Variants in DACH2 observed in about 807,000 individuals in gnomAD.
DACH2 encodes the protein dachshund family transcription factor 2.
In DACH2, 17 loss-of-function variants were observed where a neutral mutation model predicts 35.8. The observed-to-expected ratio is 0.48, with a 90% CI of 0.33 to 0.71. DACH2 has a LOEUF of 0.71. Among genes scored for constraint, DACH2 ranks in the 30% least tolerant of loss-of-function variants. The pLI is 0.02. For synonymous variants in DACH2, 195 were observed against 177.3 expected (o/e 1.10, Z -0.79); for missense variants, 469 against 472.7 (o/e 0.99, Z 0.07).
chrX:86,577,367 T>A (rs2039447898), intron 3 of DACH2, among the ~76,000 whole-genome samples: 1 of 109,070 alleles, frequency 9.2e-6, no homozygotes, highest in Non-Finnish European at 1.9e-5. Context: ...TCTCTATTAT[T>A]TAGAATCTTA....
intron 1 of DACH2, among the ~76,000 whole-genome samples, chrX:86,365,223 C>G (rs2035790178): frequency 9.1e-6 from 1 of 110,222 alleles, no homozygotes; most frequent in African/African-American, 3.3e-5. Context: ...TTTGCTAAAA[C>G]ATTAAAGTTG....
intron 7 of DACH2, among the ~76,000 whole-genome samples, chrX:86,799,464 T>C: frequency 9.0e-6 from 1 of 111,683 alleles, no homozygotes; most frequent in Admixed American, 9.5e-5. Flanking sequence ...GGCAGGTGAT[T>C]TCTGCATTTC....
In DACH2 at chrX:86,295,028, C is replaced by T. The variant is rs1362965740; in HGVS notation, c.489-81796C>T. Among the ~76,000 whole-genome samples, 9 of 112,791 alleles carry T rather than the reference C, an allele frequency of 8.0e-5. No homozygotes were observed. In the South Asian group the frequency reaches 2.2e-3, roughly 27 times the overall value. The stretch of plus-strand genomic sequence containing the variant: ...GGCGCCCCTCCTCCAGCCTCACTGC[C>T]GCCTTGCAGTTTGATCTTAGACTGC... On this transcript the variant is annotated intron_variant, in intron 1 of 11. Transcript: ENST00000373125.
chrX:86,395,149 C>T (rs1398196537), intron 2 of DACH2, among the ~76,000 whole-genome samples: 1 of 110,929 alleles, frequency 9.0e-6, no homozygotes, highest in Non-Finnish European at 1.9e-5. Context: ...CATGAACATC[C>T]TCTCTGATTT....
At chrX:86,254,797 T>A (rs865838566) in intron 1 of DACH2, among the ~76,000 whole-genome samples, 2 of 68,268 alleles carry the variant, frequency 2.9e-5, no homozygotes, top group African/African-American at 1.4e-4. Flanking sequence ...TATATATATA[T>A]ATATATATAT....
At chrX:86,646,174 G>A (rs970503141) in intron 3 of DACH2, among the ~76,000 whole-genome samples, 21 of 111,519 alleles carry the variant, frequency 1.9e-4, no homozygotes, top group Non-Finnish European at 1.1e-4. Flanking sequence ...ATTACTTTAA[G>A]TGCAACAAGT....
At chrX:86,615,773 T>C (rs781167809) in intron 3 of DACH2, among the ~76,000 whole-genome samples, 2 of 111,215 alleles carry the variant, frequency 1.8e-5, no homozygotes, top group East Asian at 5.6e-4. Flanking sequence ...TGATTTATTT[T>C]ATTTTATTTT....
intron 7 of DACH2, among the ~76,000 whole-genome samples, chrX:86,742,935 T>C (rs2041672060): frequency 9.0e-6 from 1 of 111,295 alleles, no homozygotes; most frequent in Non-Finnish European, 1.9e-5. Flanking sequence ...GCCTGAAATT[T>C]TTCTGTGCAT....
chrX:86,587,819 T>C (rs1197297315), intron 3 of DACH2, among the ~76,000 whole-genome samples: 1 of 111,972 alleles, frequency 8.9e-6, no homozygotes, highest in Admixed American at 9.5e-5. Context: ...ATTCTGTGCA[T>C]TGGCTGTTTA....
intron 5 of DACH2, among the ~76,000 whole-genome samples, chrX:86,702,521 A>G (rs553458673): frequency 8.9e-6 from 1 of 111,839 alleles, no homozygotes; most frequent in African/African-American, 3.2e-5. Flanking sequence ...AATCTATAGA[A>G]CATTAGGTAG....
At chrX:86,622,161 A>C (rs1402654317) in intron 3 of DACH2, among the ~76,000 whole-genome samples, 2 of 112,129 alleles carry the variant, frequency 1.8e-5, no homozygotes, top group African/African-American at 3.2e-5. Flanking sequence ...ACCTCAAGAA[A>C]AAAAAGACAA....
chrX:86,220,196 C>T (rs190902043), intron 1 of DACH2, among the ~76,000 whole-genome samples: 5,949 of 102,625 alleles, frequency 0.058, 706 homozygotes, highest in African/African-American at 0.22. Flanking sequence ...AAAAAATTTC[C>T]CTCCCCTTTG....
chrX:86,597,555 T>C (rs1252257798), intron 3 of DACH2, among the ~76,000 whole-genome samples: 1 of 111,785 alleles, frequency 8.9e-6, no homozygotes, highest in East Asian at 2.8e-4. Flanking sequence ...TTTAAATTTA[T>C]TGAGATTTGT....
chrX:86,466,601 C>A (rs1488622449), intron 2 of DACH2, among the ~76,000 whole-genome samples: 1 of 111,862 alleles, frequency 8.9e-6, no homozygotes, highest in Non-Finnish European at 1.9e-5. Context: ...GTCCCTTCCA[C>A]CTATGAGCCT....
chrX:86,643,081 G>A (rs1280057450), intron 3 of DACH2, among the ~76,000 whole-genome samples: 2 of 106,826 alleles, frequency 1.9e-5, no homozygotes, highest in Non-Finnish European at 3.8e-5. Context: ...CCCAAAACTA[G>A]CAAAAGATGA....
intron 3 of DACH2, among the ~76,000 whole-genome samples, chrX:86,634,621 T>C (rs958132689): frequency 9.0e-6 from 1 of 111,346 alleles, no homozygotes; most frequent in Non-Finnish European, 1.9e-5. Context: ...AAAATCAAGG[T>C]ATGAAAATCA....
intron 2 of DACH2, among the ~76,000 whole-genome samples, chrX:86,400,497 C>T (rs2036404143): frequency 9.0e-6 from 1 of 111,250 alleles, no homozygotes; most frequent in African/African-American, 3.3e-5. Flanking sequence ...GTTTTTTCCC[C>T]ATCTTTGTGG....
intron 7 of DACH2, among the ~76,000 whole-genome samples, chrX:86,796,311 G>A (rs2369458): frequency 0.23 from 25,097 of 110,532 alleles, 2,550 homozygotes; most frequent in South Asian, 0.41. Context: ...TGATTGGTGC[G>A]TTTACAAACC....
chrX:86,694,870 G>T (rs1184923044), intron 4 of DACH2, 151 bp from the exon 5 acceptor site: 1 of 422,203 alleles, frequency 2.4e-6, no homozygotes, highest in East Asian at 4.6e-5. Flanking sequence ...ACTATTGAAA[G>T]TTTTTGAAAC....
Sources: gnomAD v4.1 joint callset for allele counts (sites outside exome capture counted in the v4.1 genomes callset) on GRCh38, gnomAD v4.1.1 for gene constraint, MANE v1.5 for transcripts, NCBI Gene and HGNC (gene_info 2026-07-23, HGNC 2026-07-21) for gene names.